Variants in CCDC85C observed in about 807,000 individuals in gnomAD.
CCDC85C encodes the protein coiled-coil domain-containing protein 85C.
In CCDC85C, 18 loss-of-function variants were observed where a neutral mutation model predicts 38.3. That is an observed-to-expected ratio of 0.47 (90% CI 0.33 to 0.70). The LOEUF is 0.70. Among genes scored for constraint, CCDC85C ranks in the 30% least tolerant of loss-of-function variants. The pLI is 0.03. For synonymous variants in CCDC85C, 264 were observed against 293.8 expected (o/e 0.90, Z 1.04); for missense variants, 566 against 621.2 (o/e 0.91, Z 0.94).
chr14:99,582,318 T>G (rs1595100708), intron 1 of CCDC85C, among the ~76,000 whole-genome samples: 2 of 152,316 alleles, frequency 1.3e-5, no homozygotes, highest in Admixed American at 6.5e-5. Flanking sequence ...CCACTTCGCA[T>G]GAGGTGTACA....
chr14:99,551,057 CTCTAT>C (rs1217467895), intron 1 of CCDC85C, among the ~76,000 whole-genome samples: 1 of 152,272 alleles, frequency 6.6e-6, no homozygotes, highest in African/African-American at 2.4e-5. Context: ...ATAGCCTCTT[CTCTAT>C]TCTAAAGTTG....
intron 3 of CCDC85C, among the ~76,000 whole-genome samples, chr14:99,521,093 T>C (rs1897297613): frequency 1.3e-5 from 2 of 152,188 alleles, no homozygotes; most frequent in South Asian, 4.1e-4. Flanking sequence ...ACTGAGTAAC[T>C]GCTAGCTGCT....
chr14:99,515,086 G>A lies in CCDC85C; in HGVS notation c.*160C>T, dbSNP rs895314050. The A allele has an allele frequency of 1.7e-4, 99 of 579,454 alleles. No individual in the cohort carries two copies. The East Asian group carries it at 2.0e-3, about 11-fold the overall frequency. The allele number at this position is 579,454 out of a possible 1,614,324, so 35.9% of individuals were successfully genotyped here. A position where few individuals can be genotyped will look rare whatever the true frequency, so the allele number is the denominator to read the frequency against. On this transcript the variant is annotated 3_prime_UTR_variant, in exon 6 of 6. Coordinates refer to ENST00000380243, the MANE Select transcript of CCDC85C (RefSeq NM_001144995.2). Reference sequence around the variant, plus strand: ...AGATGGCGGCTTGGGCCAGTGCATCGGACCCATGGCAGCTGGGCCAGGGCG... The same window carrying A: ...AGATGGCGGCTTGGGCCAGTGCATCAGACCCATGGCAGCTGGGCCAGGGCG...
intron 2 of CCDC85C, chr14:99,534,710 C>T: frequency 1.4e-6 from 1 of 702,414 alleles, no homozygotes. Flanking sequence ...GCCAGGTCTG[C>T]AATGGAAGGC....
Position 99,572,896 on chromosome 14 carries a change from G to T in CCDC85C, c.793+30271C>A. The T allele has an allele frequency of 2.2e-6, 1 of 449,462 alleles. No individual in the cohort carries two copies. The highest frequency in any genetic ancestry group is 1.6e-5 in the South Asian group (1 of 63,752). The allele number at this position is 449,462 out of a possible 1,614,324, so 27.8% of individuals were successfully genotyped here. On this transcript the variant is annotated intron_variant, in intron 1 of 5. Transcript: ENST00000380243. This position sits in a 1 kb window ranked among gnomAD's most constrained non-coding sequence, Gnocchi z 4.4. The stretch of plus-strand genomic sequence containing the variant: ...GAATGTCTGCCCAAGTCCCAGGCAG[G>T]GTGGGAGGCACGGACCTGAGGCAGC...
At chr14:99,552,377 T>G (rs1897927503) in intron 1 of CCDC85C, among the ~76,000 whole-genome samples, 1 of 152,138 alleles carries the variant, frequency 6.6e-6, no homozygotes, top group Admixed American at 6.5e-5. Flanking sequence ...ACCAGGCCCT[T>G]GCAGGGAGGG....
Position 99,516,305 on chromosome 14 carries a change from G to A in CCDC85C, c.1072-19C>T, listed in dbSNP as rs1424844508. 6.5e-6 allele frequency: 10 copies of A among 1,535,894 alleles called. No individual in the cohort carries two copies. Among genetic ancestry groups the A allele is most frequent in the East Asian group, 4.9e-5 (2 of 40,824 alleles). ...CCAGGACCTGAAGGGAACGGGTCTC[G>A]GGGTCAGGGGCAGAGGCCACCGGCA... On this transcript the variant is annotated intron_variant, in intron 4 of 5. Coordinates refer to ENST00000380243, the MANE Select transcript of CCDC85C (RefSeq NM_001144995.2). The surrounding 1 kb of genome is among the most constrained non-coding windows in gnomAD (Gnocchi z 5.5).
chr14:99,558,685 G>T lies in CCDC85C; in HGVS notation c.794-22597C>A, dbSNP rs753200286. ...TGGTGTCCTTGTAAGAGACAGAAAAGGGCAAATGGAAACAGAGGAGGCCGG... is the reference window on the plus strand; with the variant it reads ...TGGTGTCCTTGTAAGAGACAGAAAATGGCAAATGGAAACAGAGGAGGCCGG... On this transcript the variant is annotated intron_variant, in intron 1 of 5. Transcript: ENST00000380243. This position sits in a 1 kb window ranked among gnomAD's most constrained non-coding sequence, Gnocchi z 4.2. Among the ~76,000 whole-genome samples, 1 of 152,146 alleles carries T rather than the reference G, an allele frequency of 6.6e-6. No homozygotes were observed. Among genetic ancestry groups the T allele is most frequent in the African/African-American group, 2.4e-5 (1 of 41,426 alleles).
intron 1 of CCDC85C, among the ~76,000 whole-genome samples, chr14:99,587,347 G>T (rs1420432585): frequency 1.3e-5 from 2 of 152,194 alleles, no homozygotes; most frequent in African/African-American, 4.8e-5. Context: ...AGAGCCTCAT[G>T]ACCAAAAAAT....
intron 2 of CCDC85C, among the ~76,000 whole-genome samples, chr14:99,525,771 C>T (rs1433778231): frequency 6.6e-6 from 1 of 152,228 alleles, no homozygotes; most frequent in Admixed American, 6.5e-5. Flanking sequence ...GACTCGAAGC[C>T]CCAGGCTGAT....
rs534228952 is a variant in CCDC85C at position 99,579,649 on chromosome 14, C to A, written c.793+23518G>T. Among the ~76,000 whole-genome samples the A allele has an allele frequency of 2.7e-3, 414 of 152,314 alleles. 4 individuals carry two copies. Among genetic ancestry groups the A allele is most frequent in the African/African-American group, 9.3e-3 (388 of 41,568 alleles). ...AGAGGTGGGGCCAGAAAGGTGAGGA[C>A]TGGATTCGGGATTGAGGTGGGGGCT... is the stretch of plus-strand genomic sequence containing the variant. On this transcript the variant is annotated intron_variant, in intron 1 of 5. Coordinates refer to ENST00000380243, the MANE Select transcript of CCDC85C (RefSeq NM_001144995.2).
intron 1 of CCDC85C, among the ~76,000 whole-genome samples, chr14:99,600,519 T>G (rs572806165): frequency 6.6e-6 from 1 of 152,304 alleles, no homozygotes; most frequent in East Asian, 1.9e-4. Flanking sequence ...GTCCCCTGAT[T>G]AACAGTAACA....
At position 99,569,718 on chromosome 14, in the gene CCDC85C, C is replaced by G. The variant is rs968964424; in HGVS notation, c.793+33449G>C. Among the ~76,000 whole-genome samples the G allele has an allele frequency of 1.3e-5, 2 of 152,182 alleles. No individual in the cohort carries two copies. The highest frequency in any genetic ancestry group is 2.9e-5 in the Non-Finnish European group (2 of 68,030). On this transcript the variant is annotated intron_variant, in intron 1 of 5. Coordinates refer to ENST00000380243, the MANE Select transcript of CCDC85C (RefSeq NM_001144995.2). The surrounding 1 kb of genome is among the most constrained non-coding windows in gnomAD (Gnocchi z 4.3). ...TAGTTCTTTGCACCTCTGCTTCCCC[C>G]CAACATGTCACACACCCCACATTTC...
intron 1 of CCDC85C, among the ~76,000 whole-genome samples, chr14:99,538,801 G>A (rs1234186125): frequency 1.3e-5 from 2 of 152,234 alleles, no homozygotes; most frequent in Non-Finnish European, 2.9e-5. Context: ...TCCCAGTAAG[G>A]GTTAAAGACA....
chr14:99,519,099 CTTTTTTTTTTTTTTTTTTTT>C (rs59524541), intron 3 of CCDC85C, among the ~76,000 whole-genome samples: 4 of 52,176 alleles, frequency 7.7e-5, no homozygotes, highest in African/African-American at 2.5e-4. Flanking sequence ...TCATACATGC[CTTTTTTTTTTTTTTTTTTTT>C]TTTTTTTTTT....
rs371438848 is a variant in CCDC85C, at chr14:99,513,756, G to C, written c.*1490C>G. 2.8e-4 allele frequency: 42 copies of C among 152,460 alleles called. No homozygotes were observed. The highest frequency in any genetic ancestry group is 9.6e-4 in the African/African-American group (40 of 41,574). 9.4% of individuals were successfully genotyped at this position (152,460 alleles called of 1,614,324 possible). On this transcript the variant is annotated 3_prime_UTR_variant, in exon 6 of 6. Transcript: ENST00000380243. ...CACAGGAGTCTGACGAGGACCTGGT[G>C]AGGTCCTGGACCCAAGAGCTAGGGC...
intron 1 of CCDC85C, among the ~76,000 whole-genome samples, chr14:99,571,333 A>ACAG (rs1898337166): frequency 7.7e-6 from 1 of 129,282 alleles, no homozygotes; most frequent in Non-Finnish European, 1.6e-5. Flanking sequence ...CACAGCAGCA[A>ACAG]TAGTAGTAGT....
Position 99,582,064 on chromosome 14 carries a change from C to T in CCDC85C, c.793+21103G>A, listed in dbSNP as rs180902120. On this transcript the variant is annotated intron_variant, in intron 1 of 5. Coordinates refer to ENST00000380243, the MANE Select transcript of CCDC85C (RefSeq NM_001144995.2). ...CCTAGTCTGAGCTGTTTCAGACACA[C>T]ATCCCCATGTTCACTCAGGATCAGC... 2.0e-5 allele frequency among the ~76,000 whole-genome samples: 3 copies of T among 152,302 alleles called. No homozygotes were observed. The East Asian group carries it at 5.8e-4, about 30-fold the overall frequency.
rs1896810231 is a variant in CCDC85C, at chr14:99,501,005, A to G, written c.*14241T>C. The G allele has an allele frequency of 4.6e-6, 3 of 655,082 alleles. No homozygotes were observed. Among genetic ancestry groups the G allele is most frequent in the South Asian group, 1.8e-5 (1 of 55,026 alleles). The allele number at this position is 655,082 out of a possible 1,614,324, so 40.6% of individuals were successfully genotyped here. A position where few individuals can be genotyped will look rare whatever the true frequency, so the allele number is the denominator to read the frequency against. ...GAAATACCAAGGGCATGGCTTGCTC[A>G]GTCAATTCAGCATTGCAGCTGCTAA... On this transcript the variant is annotated 3_prime_UTR_variant, in exon 6 of 6. Transcript: ENST00000380243.
Sources: allele counts gnomAD v4.1 joint callset (sites outside exome capture counted in the v4.1 genomes callset), GRCh38; gene constraint gnomAD v4.1.1; non-coding constraint Gnocchi (gnomAD v3.1); transcripts MANE v1.5; gene names NCBI Gene and HGNC (gene_info 2026-07-23, HGNC 2026-07-21).